MXRA8: variants seen among roughly 807,000 people sequenced by gnomAD.
MXRA8 encodes the protein matrix remodeling associated 8.
A neutral mutation model predicts 51.4 loss-of-function variants in MXRA8; 44 were observed. The ratio of observed to expected loss-of-function variants is 0.86; its 90% CI spans 0.67 to 1.10. The LOEUF is 1.10. MXRA8 is among the 50% of genes least tolerant of loss of function. The pLI, the probability that MXRA8 is intolerant of heterozygous loss-of-function variation, is 0.00. For missense variants in MXRA8, 765 were observed against 638.9 expected (o/e 1.20, Z -2.13); for synonymous variants, 369 against 293.5 (o/e 1.26, Z -2.63).
rs766384070 is a variant in MXRA8 at position 1,354,812 on chromosome 1, G to A, written c.819C>T (p.His273=). 6.2e-7 allele frequency: 1 copy of A among 1,612,256 alleles called. No individual in the cohort carries two copies. Residue 273 remains histidine, a synonymous_variant, in exon 5 of 10, where the codon CAC becomes CAT. Coordinates refer to ENST00000309212, the MANE Select transcript of MXRA8 (RefSeq NM_032348.4). The part of the protein sequence containing the change: ...EVADEGTYSC[H]LHHHYCGLHE... The stretch of plus-strand genomic sequence containing the variant: ...GCAGGCCACAGTAATGGTGGTGCAG[G>A]TGGCAGGAGTAGGTGCCCTCGTCGG...
Position 1,353,861 on chromosome 1 carries a change from G to C in MXRA8, c.1290C>G (p.Ile430Met), listed in dbSNP as rs367562728. Residue 430 changes from isoleucine (I) to methionine (M), a missense_variant, in exon 9 of 10, where the codon ATC becomes ATG. Ile to Met is a conservative substitution (Grantham distance 10). Transcript: ENST00000309212. ...LAHSPLPAKY[I>M]DLDKGFRKEN... The stretch of plus-strand genomic sequence containing the variant: ...CCCGCCGCTCACCTTTGTCTAGGTC[G>C]ATGTACTTGGCAGGCAGGGGGCTGT... The C allele has an allele frequency of 1.2e-6, 2 of 1,600,760 alleles. No individual in the cohort carries two copies. The highest frequency in any genetic ancestry group is 1.1e-5 in the South Asian group (1 of 88,880).
In MXRA8 at chr1:1,353,333, C is replaced by T. The variant is rs1345156562; in HGVS notation, c.*271G>A. 1 of 1,549,338 alleles carries T rather than the reference C, an allele frequency of 6.5e-7. No homozygotes were observed. Among genetic ancestry groups the T allele is most frequent in the Non-Finnish European group, 8.7e-7 (1 of 1,146,522 alleles). On this transcript the variant is annotated 3_prime_UTR_variant, in exon 10 of 10. Transcript: ENST00000309212. ...CCCAGCGGGCAGAGCCCAGAAGGGT[C>T]TGAGGGCATGATGGGCATCAGTGGG...
rs1409788364 is a variant in MXRA8 at position 1,354,473 on chromosome 1, A to G, written c.986T>C (p.Val329Ala). 6.2e-7 allele frequency: 1 copy of G among 1,612,370 alleles called. No individual in the cohort carries two copies. The highest frequency in any genetic ancestry group is 1.1e-5 in the South Asian group (1 of 91,086). The change falls in exon 6 of 10, where the codon GTC becomes GCC. Residue 329 changes from valine (V) to alanine (A), a missense_variant. By Grantham distance (64) the Val-to-Ala change is moderately conservative. Transcript: ENST00000309212. ...GTGGGCTCGGCTCTCGGGGACGATG[A>G]CATTGATGACGTTGTGGCCGCGCGC... ...TLARGHNVIN[V>A]IVPESRAHFF... is the part of the protein sequence containing the mutation.
chr1:1,354,534 G>A, intron 5 of MXRA8, 25 bp from the exon 6 acceptor site: 1 of 1,607,228 alleles, frequency 6.2e-7, no homozygotes, highest in Non-Finnish European at 8.5e-7. Context: ...GGGTCGGGGC[G>A]GCGTCAGGTA....
At chr1:1,363,081 CAA>C (rs200811419), upstream of MXRA8, among the ~76,000 whole-genome samples, 5 of 126,254 alleles carry the variant, frequency 4.0e-5, no homozygotes, top group African/African-American at 5.4e-5. Flanking sequence ...GACTCCGTCT[CAA>C]AAAAAAAAAA....
Position 1,354,228 on chromosome 1 carries a change from G to A in MXRA8, c.1110C>T (p.Tyr370=), listed in dbSNP as rs1274072149. 8 of 1,612,376 alleles carry A rather than the reference G, an allele frequency of 5.0e-6. No homozygotes were observed. In the South Asian group the frequency reaches 5.5e-5, roughly 11 times the overall value. ...TTCCCGACTTCTGGTCCGAGTATTC[G>A]TAGCCTGGGAAGGAGACTCACATTG... ...LLAARRRRGG[Y]EYSDQKSGKS... is the part of the protein sequence containing the mutation. Residue 370 remains tyrosine (Y), a synonymous_variant, in exon 7 of 10, where the codon TAC becomes TAT. Transcript: ENST00000309212.
chr1:1,355,637 C>G lies in MXRA8; in HGVS notation c.189G>C (p.Gln63His). 1 of 1,463,334 alleles carries G rather than the reference C, an allele frequency of 6.8e-7. No homozygotes were observed. Among genetic ancestry groups the G allele is most frequent in the Admixed American group, 2.5e-5 (1 of 40,348 alleles). The allele number at this position is 1,463,334 out of a possible 1,614,324, so 90.6% of individuals were successfully genotyped here. Reference protein sequence around the residue: ...RCQSPRMVWTQDRLHDRQRVL... With the variant: ...RCQSPRMVWTHDRLHDRQRVL... The stretch of plus-strand genomic sequence containing the variant: ...CGCGCTGGCGGTCGTGCAGCCGGTC[C>G]TGGGTCCACACCATGCGCGGGCTCT... Residue 63 changes from glutamine to histidine, a missense_variant, in exon 3 of 10, where the codon CAG (glutamine) becomes CAC (histidine). Gln to His is a conservative substitution (Grantham distance 24, BLOSUM62 0). Coordinates refer to ENST00000309212, the MANE Select transcript of MXRA8 (RefSeq NM_032348.4).
intron 4 of MXRA8, 38 bp downstream of exon 4, chr1:1,355,206 G>C: frequency 1.4e-6 from 2 of 1,476,266 alleles, no homozygotes; most frequent in Non-Finnish European, 1.8e-6. Context: ...GTCGAGGGTC[G>C]AGGGGCGGGA....
In MXRA8 at chr1:1,353,575, G is replaced by A. The variant is rs762793523; in HGVS notation, c.*29C>T. 1 of 1,556,572 alleles carries A rather than the reference G, an allele frequency of 6.4e-7. No individual in the cohort carries two copies. On this transcript the variant is annotated 3_prime_UTR_variant, in exon 10 of 10. Transcript: ENST00000309212. Reference sequence around the variant, plus strand: ...GAGCACAGACAGGAGAGGTGCAGCTGCTGGCCCAGCCAGGAGCCCAGGGCC... The same window carrying A: ...GAGCACAGACAGGAGAGGTGCAGCTACTGGCCCAGCCAGGAGCCCAGGGCC...
Position 1,356,670 on chromosome 1 carries a change from G to T in MXRA8, c.73+11C>A. ...GAGTGGGGGTGGGCAGCTGGGGCTGGGGTCACTAACCTGAGTGCAGGAGAA... is the reference window on the plus strand; with the variant it reads ...GAGTGGGGGTGGGCAGCTGGGGCTGTGGTCACTAACCTGAGTGCAGGAGAA... On this transcript the variant is annotated intron_variant, in intron 2 of 9. Transcript: ENST00000309212. The T allele has an allele frequency of 7.2e-7, 1 of 1,391,580 alleles. No individual in the cohort carries two copies. Among genetic ancestry groups the T allele is most frequent in the Non-Finnish European group, 9.4e-7 (1 of 1,058,964 alleles). 86.2% of individuals were successfully genotyped at this position (1,391,580 alleles called of 1,614,324 possible). A position where few individuals can be genotyped will look rare whatever the true frequency, so the allele number is the denominator to read the frequency against.
chr1:1,357,392 G>C (rs1010824497), intron 1 of MXRA8, among the ~76,000 whole-genome samples: 4 of 152,082 alleles, frequency 2.6e-5, no homozygotes, highest in Admixed American at 1.3e-4. Flanking sequence ...GTCCCCTGGT[G>C]ACCACCCCCT....
chr1:1,359,021 C>T (rs1478766883), upstream of MXRA8: 3 of 985,330 alleles, frequency 3.0e-6, no homozygotes, highest in Admixed American at 1.8e-4. Flanking sequence ...CTCCTTCAGA[C>T]CAGATGGCCC....
Position 1,355,491 on chromosome 1 carries a change from G to A in MXRA8, c.335C>T (p.Ala112Val). The A allele has an allele frequency of 6.6e-7, 1 of 1,511,320 alleles. No individual in the cohort carries two copies. The highest frequency in any genetic ancestry group is 2.7e-5 in the East Asian group (1 of 36,870). The allele number at this position is 1,511,320 out of a possible 1,614,324, so 93.6% of individuals were successfully genotyped here. Reference sequence around the variant, plus strand: ...GAAGTTGCCGTCGTCGAAGGCCGAGGCCGAGAGCTCCAGGCGGCCGCGGTC... The same window carrying A: ...GAAGTTGCCGTCGTCGAAGGCCGAGACCGAGAGCTCCAGGCGGCCGCGGTC... ...ARDRGRLELSASAFDDGNFSL... is the reference protein window; with the variant it reads ...ARDRGRLELSVSAFDDGNFSL... Residue 112 changes from alanine (A) to valine (V), a missense_variant, in exon 3 of 10, where the codon GCC becomes GTC. Ala to Val is a moderately conservative substitution (Grantham distance 64). Coordinates refer to ENST00000309212, the MANE Select transcript of MXRA8 (RefSeq NM_032348.4).
intron 2 of MXRA8, 131 bp downstream of exon 2, chr1:1,356,550 A>C: frequency 2.0e-6 from 1 of 501,280 alleles, no homozygotes. Context: ...GGAGGTGCCC[A>C]AGGGTCCTGA....
chr1:1,359,672 T>G (rs1463592092), upstream of MXRA8: 4 of 723,864 alleles, frequency 5.5e-6, no homozygotes, highest in Non-Finnish European at 6.8e-6. Flanking sequence ...GCTGCTCCAG[T>G]GAGAGGAACG....
chr1:1,354,561 C>G, intron 5 of MXRA8, 52 bp from the exon 6 acceptor site: 1 of 1,584,218 alleles, frequency 6.3e-7, no homozygotes, highest in Non-Finnish European at 8.6e-7. Context: ...AGACCTGCGC[C>G]CCGACCCGGG....
chr1:1,363,139 C>T (rs1178923139), upstream of MXRA8, among the ~76,000 whole-genome samples: 5 of 151,818 alleles, frequency 3.3e-5, no homozygotes, highest in South Asian at 2.1e-4. Context: ...AAAAATTATC[C>T]GGGTGTGGTG....
At chr1:1,359,071 C>T (rs1644187015), upstream of MXRA8, 15 of 985,480 alleles carry the variant, frequency 1.5e-5, no homozygotes, top group Middle Eastern at 5.2e-4. Flanking sequence ...CCTTGGTACC[C>T]GTCTCCTCTG....
In MXRA8 at chr1:1,355,262, G is replaced by T. The variant is rs1315688242; in HGVS notation, c.460C>A (p.Leu154Met). ...CHLYESLAVR[L>M]EVTDGPPATP... is the part of the protein sequence containing the mutation. ...CACTCACGGCCGTCGGTGACCTCCA[G>T]GCGGACGGCCAGGCTCTCGTAGAGG... is the stretch of plus-strand genomic sequence containing the variant. The change falls in exon 4 of 10, where the codon CTG becomes ATG. Residue 154 changes from leucine to methionine, a missense_variant. By Grantham distance (15) the Leu-to-Met change is conservative. Transcript: ENST00000309212. 4 of 1,567,768 alleles carry T rather than the reference G, an allele frequency of 2.6e-6. No homozygotes were observed. In the Admixed American group the frequency reaches 7.3e-5, roughly 29 times the overall value.
Sources: allele counts gnomAD v4.1 joint callset (sites outside exome capture counted in the v4.1 genomes callset), GRCh38; gene constraint gnomAD v4.1.1; transcripts MANE v1.5; gene names NCBI Gene and HGNC (gene_info 2026-07-23, HGNC 2026-07-21).